CFAP157: variants seen among roughly 807,000 people sequenced by gnomAD.
CFAP157 encodes the protein cilia and flagella associated protein 157.
CFAP157 carries 43 observed loss-of-function variants against 57.8 expected under a neutral mutation model. The ratio of observed to expected loss-of-function variants is 0.74; its 90% CI spans 0.58 to 0.96. CFAP157 has a LOEUF of 0.96. Among genes scored for constraint, CFAP157 ranks in the 40% least tolerant of loss-of-function variants. The probability of loss-of-function intolerance (pLI) is 0.00; values close to 1 mark genes in which losing one functional copy is unlikely to be tolerated. For missense variants in CFAP157, 606 were observed against 655.3 expected, an observed-to-expected ratio of 0.92 and a Z score of 0.82; for synonymous variants, 267 against 269.0, an observed-to-expected ratio of 0.99 and a Z score of 0.07.
chr9:127,714,760 C>T lies in CFAP157; in HGVS notation c.*855C>T. ...GCCCATCTGCCCAGAGAGGCACTGT[C>T]CCGACTCCCATGATGAGGGACCACA... On this transcript the variant is annotated 3_prime_UTR_variant, in exon 9 of 9. Coordinates refer to ENST00000373295, the MANE Select transcript of CFAP157 (RefSeq NM_001012502.3). The T allele has an allele frequency of 7.0e-7, 1 of 1,425,222 alleles. No homozygotes were observed. The highest frequency in any genetic ancestry group is 1.9e-5 in the Admixed American group (1 of 52,470). 88.3% of individuals were successfully genotyped at this position (1,425,222 alleles called of 1,614,324 possible). A position where few individuals can be genotyped will look rare whatever the true frequency, so the allele number is the denominator to read the frequency against.
rs757696659 is a variant in CFAP157, at chr9:127,714,060, G to A, written c.*155G>A. The A allele has an allele frequency of 4.4e-6, 7 of 1,601,672 alleles. No homozygotes were observed. The highest frequency in any genetic ancestry group is 1.3e-5 in the African/African-American group (1 of 74,746). ...CAGCTCTGTGGCAGTGGCTGGGTTGGTGGGCACTACAGTCAGGCAGGCAGC... is the reference window on the plus strand; with the variant it reads ...CAGCTCTGTGGCAGTGGCTGGGTTGATGGGCACTACAGTCAGGCAGGCAGC... On this transcript the variant is annotated 3_prime_UTR_variant, in exon 9 of 9. Coordinates refer to ENST00000373295, the MANE Select transcript of CFAP157 (RefSeq NM_001012502.3).
chr9:127,715,316 C>T lies in CFAP157; in HGVS notation c.*1411C>T. 1 of 1,310,058 alleles carries T rather than the reference C, an allele frequency of 7.6e-7. No individual in the cohort carries two copies. Among genetic ancestry groups the T allele is most frequent in the Non-Finnish European group, 1.1e-6 (1 of 940,506 alleles). 81.2% of individuals were successfully genotyped at this position (1,310,058 alleles called of 1,614,324 possible). On this transcript the variant is annotated 3_prime_UTR_variant, in exon 9 of 9. Coordinates refer to ENST00000373295, the MANE Select transcript of CFAP157 (RefSeq NM_001012502.3). The surrounding 1 kb of genome is among the most constrained non-coding windows in gnomAD (Gnocchi z 5.8). ...GAGCAACGCTGCAGTGGGGAAGGGGCGCGAAGAAGGGGCCCAGAAACCCGA... is the reference window on the plus strand; with the variant it reads ...GAGCAACGCTGCAGTGGGGAAGGGGTGCGAAGAAGGGGCCCAGAAACCCGA...
chr9:127,711,698 G>A, intron 4 of CFAP157, 122 bp from the exon 5 acceptor site: 1 of 1,232,404 alleles, frequency 8.1e-7, no homozygotes, highest in Non-Finnish European at 1.1e-6. Context: ...ACTTATGGAA[G>A]CAGAGTCCAG....
At position 127,712,866 on chromosome 9, in the gene CFAP157, C is replaced by G. The variant is rs1181891892; in HGVS notation, c.1295C>G (p.Pro432Arg). The stretch of plus-strand genomic sequence containing the variant: ...CAGGAGTCACAGTCCCATGGCCCAC[C>G]CAAGGAGAGGTAAGCAAGTGGCCCT... ...PHQESQSHGPPKESRPSIQLP... is the reference protein window; with the variant it reads ...PHQESQSHGPRKESRPSIQLP... The change falls in exon 7 of 9, where the codon CCC becomes CGC. Residue 432 changes from proline (P) to arginine (R), a missense_variant. Transcript: ENST00000373295. 1 of 1,611,028 alleles carries G rather than the reference C, an allele frequency of 6.2e-7. No individual in the cohort carries two copies. The highest frequency in any genetic ancestry group is 8.5e-7 in the Non-Finnish European group (1 of 1,178,500).
chr9:127,710,791 C>A, intron 3 of CFAP157, 37 bp downstream of exon 3: 2 of 1,549,912 alleles, frequency 1.3e-6, no homozygotes, highest in Non-Finnish European at 1.7e-6. Context: ...CCTTTGGAGG[C>A]TTCATCCCTG....
intron 5 of CFAP157, 91 bp downstream of exon 5, chr9:127,712,041 G>T: frequency 6.6e-7 from 1 of 1,520,068 alleles, no homozygotes; most frequent in Non-Finnish European, 8.9e-7. Flanking sequence ...CCAGGCCAGT[G>T]ACTTCCCCTC....
chr9:127,710,741 C>G lies in CFAP157; in HGVS notation c.574C>G (p.Leu192Val). The change falls in exon 3 of 9, where the codon CTG becomes GTG. Residue 192 changes from leucine to valine, a missense_variant. Transcript: ENST00000373295. ...YAYNLEKKSV[L>V]DKDRLRKEII... ...ATACAACCTGGAGAAGAAGTCGGTG[C>G]TGGACAAGGACAGGTGGGCAAGCGG... The G allele has an allele frequency of 6.4e-7, 1 of 1,566,518 alleles. No individual in the cohort carries two copies. The highest frequency in any genetic ancestry group is 8.7e-7 in the Non-Finnish European group (1 of 1,154,636).
intron 3 of CFAP157, 32 bp from the exon 4 acceptor site, chr9:127,711,197 C>A (rs987328272): frequency 6.2e-7 from 1 of 1,607,116 alleles, no homozygotes; most frequent in Non-Finnish European, 8.5e-7. Flanking sequence ...CCCGCTCTGT[C>A]TGACCCCTTC....
At position 127,715,683 on chromosome 9, in the gene CFAP157, C is replaced by T. The variant is rs1171392201; in HGVS notation, c.*1778C>T. On this transcript the variant is annotated 3_prime_UTR_variant, in exon 9 of 9. Coordinates refer to ENST00000373295, the MANE Select transcript of CFAP157 (RefSeq NM_001012502.3). This position sits in a 1 kb window ranked among gnomAD's most constrained non-coding sequence, Gnocchi z 5.8. Reference sequence around the variant, plus strand: ...GACACCGCCCCCTGACGTCATCACCCCGCAGCAGCCAATCGTGTTGCCAAC... The same window carrying T: ...GACACCGCCCCCTGACGTCATCACCTCGCAGCAGCCAATCGTGTTGCCAAC... 4 of 1,592,256 alleles carry T rather than the reference C, an allele frequency of 2.5e-6. No homozygotes were observed. Among genetic ancestry groups the T allele is most frequent in the South Asian group, 1.1e-5 (1 of 89,354 alleles).
Position 127,709,567 on chromosome 9 carries a change from G to A in CFAP157, c.307G>A (p.Glu103Lys), listed in dbSNP as rs374777226. ...GGTGGATGAGATCACAGACCTCAAC[G>A]AGCAGCTCCAGAACTTGCAGCTAGC... ...QQVDEITDLN[E>K]QLQNLQLAKE... Residue 103 changes from glutamate to lysine, a missense_variant, in exon 2 of 9, where the codon GAG becomes AAG. Transcript: ENST00000373295. This position sits in a 1 kb window ranked among gnomAD's most constrained non-coding sequence, Gnocchi z 4.7. The A allele has an allele frequency of 3.4e-5, 55 of 1,613,962 alleles. No homozygotes were observed. The highest frequency in any genetic ancestry group is 1.6e-4 in the Middle Eastern group (1 of 6,084).
rs548167098 is a variant in CFAP157, at chr9:127,714,175, C to T, written c.*270C>T. 136 of 1,613,954 alleles carry T rather than the reference C, an allele frequency of 8.4e-5. 2 individuals are homozygous for T. Among genetic ancestry groups the T allele is most frequent in the South Asian group, 8.3e-4 (76 of 91,080 alleles). On this transcript the variant is annotated 3_prime_UTR_variant, in exon 9 of 9. Coordinates refer to ENST00000373295, the MANE Select transcript of CFAP157 (RefSeq NM_001012502.3). ...TCAGGTCGGTGGCTCGATCCAGCAA[C>T]AGAGGCAGCAGCTCCTGCTCAGCAG...
At chr9:127,712,098 G>A in intron 5 of CFAP157, 101 bp from the exon 6 acceptor site, 1 of 1,525,678 alleles carries the variant, frequency 6.6e-7, no homozygotes, top group Non-Finnish European at 8.8e-7. Flanking sequence ...CGGGATGGGG[G>A]CCCCTGTGGG....
At position 127,715,735 on chromosome 9, in the gene CFAP157, A is replaced by T. The variant is rs1377595025; in HGVS notation, c.*1830A>T. ...GTTTGGCGTCCACCGCCAACGTCCA[A>T]TCCGGGCCGGGCTACGTGGCCGCCA... On this transcript the variant is annotated 3_prime_UTR_variant, in exon 9 of 9. Transcript: ENST00000373295. The surrounding 1 kb of genome is among the most constrained non-coding windows in gnomAD (Gnocchi z 5.8). 6.5e-7 allele frequency: 1 copy of T among 1,542,012 alleles called. No individual in the cohort carries two copies. Among genetic ancestry groups the T allele is most frequent in the Non-Finnish European group, 8.7e-7 (1 of 1,149,304 alleles).
In CFAP157 at chr9:127,715,686, C is replaced by A. The variant is rs969489553; in HGVS notation, c.*1781C>A. 12 of 1,590,440 alleles carry A rather than the reference C, an allele frequency of 7.5e-6. No individual in the cohort carries two copies. Among genetic ancestry groups the A allele is most frequent in the Non-Finnish European group, 1.0e-5 (12 of 1,171,942 alleles). On this transcript the variant is annotated 3_prime_UTR_variant, in exon 9 of 9. Coordinates refer to ENST00000373295, the MANE Select transcript of CFAP157 (RefSeq NM_001012502.3). This position sits in a 1 kb window ranked among gnomAD's most constrained non-coding sequence, Gnocchi z 5.8. The stretch of plus-strand genomic sequence containing the variant: ...ACCGCCCCCTGACGTCATCACCCCG[C>A]AGCAGCCAATCGTGTTGCCAACTGT...
rs143416207 is a variant in CFAP157 at position 127,714,422 on chromosome 9, C to T, written c.*517C>T. On this transcript the variant is annotated 3_prime_UTR_variant, in exon 9 of 9. Coordinates refer to ENST00000373295, the MANE Select transcript of CFAP157 (RefSeq NM_001012502.3). ...AATGCAGGAACGGACTCCATTGTGG[C>T]CCCTTCAAGGGATATGGGAGGGGCA... The T allele has an allele frequency of 6.2e-7, 1 of 1,614,166 alleles. No homozygotes were observed. The highest frequency in any genetic ancestry group is 8.5e-7 in the Non-Finnish European group (1 of 1,180,010).
chr9:127,711,421 C>T lies in CFAP157; in HGVS notation c.780C>T (p.Asn260=). ...QENEQLKGRQ[N]NLCKQLELLE... Reference sequence around the variant, plus strand: ...ATGAGCAGCTCAAGGGAAGACAGAACAATCTGTGCAAACAGCTGGAGCTGC... The same window carrying T: ...ATGAGCAGCTCAAGGGAAGACAGAATAATCTGTGCAAACAGCTGGAGCTGC... The change falls in exon 4 of 9, where the codon AAC becomes AAT. Residue 260 remains asparagine, a synonymous_variant. Coordinates refer to ENST00000373295, the MANE Select transcript of CFAP157 (RefSeq NM_001012502.3). The T allele has an allele frequency of 1.2e-6, 2 of 1,614,146 alleles. No homozygotes were observed. Among genetic ancestry groups the T allele is most frequent in the East Asian group, 2.2e-5 (1 of 44,888 alleles).
rs7849124 is a variant in CFAP157, at chr9:127,707,921, G to A, written c.161+729G>A. ...GACCACAGCTAATGCTGAGTCCCTC[G>A]TGGTGCCAGGCAGGCCATGGGCTGG... On this transcript the variant is annotated intron_variant, in intron 1 of 8. Coordinates refer to ENST00000373295, the MANE Select transcript of CFAP157 (RefSeq NM_001012502.3). 7.7e-3 allele frequency among the ~76,000 whole-genome samples: 1,172 copies of A among 152,278 alleles called. 9 individuals carry two copies. The highest frequency in any genetic ancestry group is 0.027 in the African/African-American group (1,126 of 41,560).
Position 127,714,926 on chromosome 9 carries a change from ACCCCCACCCCCTTGGCCCGCCCGCCCAC to A in CFAP157, c.*1025_*1052del. On this transcript the variant is annotated 3_prime_UTR_variant, in exon 9 of 9. Coordinates refer to ENST00000373295, the MANE Select transcript of CFAP157 (RefSeq NM_001012502.3). ...GCTCCCCTCTGGCCCCCGCGCCCCA[ACCCCCACCCCCTTGGCCCGCCCGCCCAC>A]CCCTGGCGCTCTCAACTCACCAGCC... The A allele has an allele frequency of 3.2e-6, 2 of 629,310 alleles. No homozygotes were observed. Among genetic ancestry groups the A allele is most frequent in the Non-Finnish European group, 5.1e-6 (2 of 393,716 alleles). 39.0% of individuals were successfully genotyped at this position (629,310 alleles called of 1,614,324 possible). A position where few individuals can be genotyped will look rare whatever the true frequency, so the allele number is the denominator to read the frequency against.
rs2131595053 is a variant in CFAP157 at position 127,713,757 on chromosome 9, T to C, written c.1492-77T>C. On this transcript the variant is annotated intron_variant, in intron 8 of 8. Transcript: ENST00000373295. ...CCTGACGTCAAGCAATCCCCCAGCC[T>C]CGGCCTCCCAAAGTGCTGGGATTAT... 11 of 1,234,628 alleles carry C rather than the reference T, an allele frequency of 8.9e-6. No individual in the cohort carries two copies. In the South Asian group the frequency reaches 1.3e-4, roughly 15 times the overall value. The allele number at this position is 1,234,628 out of a possible 1,614,324, so 76.5% of individuals were successfully genotyped here. A position where few individuals can be genotyped will look rare whatever the true frequency, so the allele number is the denominator to read the frequency against.
Sources: allele counts gnomAD v4.1 joint callset (sites outside exome capture counted in the v4.1 genomes callset), GRCh38; gene constraint gnomAD v4.1.1; non-coding constraint Gnocchi (gnomAD v3.1); transcripts MANE v1.5; gene names NCBI Gene and HGNC (gene_info 2026-07-23, HGNC 2026-07-21).